Variants in PIK3CD observed in about 807,000 individuals in gnomAD.
The protein encoded by PIK3CD is phosphatidylinositol-4,5-bisphosphate 3-kinase catalytic subunit delta.
In PIK3CD, 20 loss-of-function variants were observed where a neutral mutation model predicts 122.9. That is an observed-to-expected ratio of 0.16 (90% CI 0.11 to 0.24). The LOEUF (loss-of-function observed/expected upper bound fraction) is 0.24. Among genes scored for constraint, PIK3CD ranks in the 10% least tolerant of loss-of-function variants. The pLI, the probability that PIK3CD is intolerant of heterozygous loss-of-function variation, is 1.00. For missense variants in PIK3CD, 787 were observed against 1,406.3 expected (o/e 0.56, Z 7.04); for synonymous variants, 596 against 593.4 (o/e 1.00, Z -0.06).
At position 9,720,122 on chromosome 1, in the gene PIK3CD, C is replaced by T. The variant is rs149764166; in HGVS notation, c.1350C>T (p.Gly450=). Reference sequence around the variant, plus strand: ...TGCCCCTGTGTTCAGATGAGAAGGGCGAGCTGCTGAACCCCACGGGCACTG... The same window carrying T: ...TGCCCCTGTGTTCAGATGAGAAGGGTGAGCTGCTGAACCCCACGGGCACTG... The part of the protein sequence containing the change: ...YMWPSVPDEK[G]ELLNPTGTVR... Residue 450 remains glycine (G), a synonymous_variant, in exon 11 of 24, where the codon GGC becomes GGT. Coordinates refer to ENST00000377346, the MANE Select transcript of PIK3CD (RefSeq NM_005026.5). The surrounding 1 kb of genome is among the most constrained non-coding windows in gnomAD (Gnocchi z 9.0). 74 of 1,613,244 alleles carry T rather than the reference C, an allele frequency of 4.6e-5. No individual in the cohort carries two copies. In the African/African-American group the frequency reaches 6.0e-4, roughly 13 times the overall value.
At chr1:9,640,180 A>G in the PIK3CD span, among the ~76,000 whole-genome samples, 1 of 151,420 alleles carries the variant, frequency 6.6e-6, no homozygotes, top group African/African-American at 2.4e-5. Context: ...TCTTTCTGGA[A>G]CTTTAAGATG....
At chr1:9,665,128 C>A (rs775891838) in intron 1 of PIK3CD, among the ~76,000 whole-genome samples, 1 of 145,746 alleles carries the variant, frequency 6.9e-6, no homozygotes, top group Non-Finnish European at 1.5e-5. Context: ...TGCCTGAGCC[C>A]TGGAGGTCAA....
chr1:9,722,333 G>C lies in PIK3CD; in HGVS notation c.2324G>C (p.Gly775Ala). 6.2e-7 allele frequency: 1 copy of C among 1,612,700 alleles called. No individual in the cohort carries two copies. The highest frequency in any genetic ancestry group is 8.5e-7 in the Non-Finnish European group (1 of 1,179,554). ...GAGGCAGGCAGCGGCGGCAGCGTGGGCATCATCTTTAAGAACGGGGATGGT... is the reference window on the plus strand; with the variant it reads ...GAGGCAGGCAGCGGCGGCAGCGTGGCCATCATCTTTAAGAACGGGGATGGT... ...NEEAGSGGSV[G>A]IIFKNGDDLR... Residue 775 changes from glycine (G) to alanine (A), a missense_variant, in exon 18 of 24, where the codon GGC (glycine) becomes GCC (alanine). Coordinates refer to ENST00000377346, the MANE Select transcript of PIK3CD (RefSeq NM_005026.5). This position sits in a 1 kb window ranked among gnomAD's most constrained non-coding sequence, Gnocchi z 7.6.
the PIK3CD span, among the ~76,000 whole-genome samples, chr1:9,643,581 G>A: frequency 1.3e-5 from 2 of 152,132 alleles, no homozygotes; most frequent in South Asian, 2.1e-4. Flanking sequence ...CAAAGATGCC[G>A]TTCTAGAATA....
Position 9,704,262 on chromosome 1 carries a change from T to G in PIK3CD, c.-32-6162T>G, listed in dbSNP as rs1472655795. Among the ~76,000 whole-genome samples the G allele has an allele frequency of 1.3e-5, 2 of 152,118 alleles. No homozygotes were observed. Among genetic ancestry groups the G allele is most frequent in the Admixed American group, 6.6e-5 (1 of 15,262 alleles). ...TTCCCTACATCCCATTTAGGTAAGG[T>G]GTAGTTGAAGACTTCATTTCCAGAG... On this transcript the variant is annotated intron_variant, in intron 2 of 23. Coordinates refer to ENST00000377346, the MANE Select transcript of PIK3CD (RefSeq NM_005026.5). This position sits in a 1 kb window ranked among gnomAD's most constrained non-coding sequence, Gnocchi z 5.0.
chr1:9,668,203 G>A (rs1479265152), intron 1 of PIK3CD, among the ~76,000 whole-genome samples: 1 of 152,048 alleles, frequency 6.6e-6, no homozygotes, highest in Non-Finnish European at 1.5e-5. Flanking sequence ...TAATGCAGTA[G>A]TTAAACCCAT....
In PIK3CD at chr1:9,704,647, G is replaced by T. The variant is rs1424554563; in HGVS notation, c.-32-5777G>T. ...CCAGCCTCAGCCTCCCAAGTAGCCG[G>T]GACTACAGGCGTGAGCCACCATGAC... On this transcript the variant is annotated intron_variant, in intron 2 of 23. Transcript: ENST00000377346. The surrounding 1 kb of genome is among the most constrained non-coding windows in gnomAD (Gnocchi z 5.0). 2.0e-5 allele frequency among the ~76,000 whole-genome samples: 3 copies of T among 152,136 alleles called. No individual in the cohort carries two copies.
the PIK3CD span, among the ~76,000 whole-genome samples, chr1:9,645,025 C>CTTTTCT: frequency 1.7e-4 from 14 of 81,796 alleles, no homozygotes; most frequent in African/African-American, 7.2e-4. Flanking sequence ...CTTTTCTTTT[C>CTTTTCT]TTTTTTTTTT....
chr1:9,719,841 T>C lies in PIK3CD; in HGVS notation c.1243-80T>C. On this transcript the variant is annotated intron_variant, in intron 9 of 23. Coordinates refer to ENST00000377346, the MANE Select transcript of PIK3CD (RefSeq NM_005026.5). The surrounding 1 kb of genome is among the most constrained non-coding windows in gnomAD (Gnocchi z 5.5). Reference sequence around the variant, plus strand: ...TAGCTGGGCTCTGGGTCTTCTCGGGTGGGGTGCCTGGGGGAGGGCAGGGAA... The same window carrying C: ...TAGCTGGGCTCTGGGTCTTCTCGGGCGGGGTGCCTGGGGGAGGGCAGGGAA... 9.0e-7 allele frequency: 1 copy of C among 1,114,908 alleles called. No individual in the cohort carries two copies. The highest frequency in any genetic ancestry group is 1.4e-6 in the Non-Finnish European group (1 of 725,866). The allele number at this position is 1,114,908 out of a possible 1,614,324, so 69.1% of individuals were successfully genotyped here. A position where few individuals can be genotyped will look rare whatever the true frequency, so the allele number is the denominator to read the frequency against.
intron 1 of PIK3CD, among the ~76,000 whole-genome samples, chr1:9,679,488 A>G (rs935313784): frequency 4.0e-5 from 6 of 151,880 alleles, no homozygotes; most frequent in East Asian, 1.9e-4. Context: ...CCTTTGGCCA[A>G]GTAGGCTGAG....
the PIK3CD span, among the ~76,000 whole-genome samples, chr1:9,640,467 C>T: frequency 6.9e-6 from 1 of 144,228 alleles, no homozygotes; most frequent in Non-Finnish European, 1.5e-5. Context: ...GTAATCCCAG[C>T]TACTTGGGAG....
chr1:9,720,475 AGAG>A lies in PIK3CD; in HGVS notation c.1471-135_1471-133del, dbSNP rs1648363356. 2.0e-6 allele frequency: 3 copies of A among 1,489,036 alleles called. No individual in the cohort carries two copies. In the South Asian group the frequency reaches 3.9e-5, roughly 19 times the overall value. 92.2% of individuals were successfully genotyped at this position (1,489,036 alleles called of 1,614,324 possible). ...TCTTGGCATCTCGTGAGTGGAGGCC[AGAG>A]CTGCTGTGGATGCGCCTCCATGCAG... On this transcript the variant is annotated intron_variant, in intron 11 of 23. Coordinates refer to ENST00000377346, the MANE Select transcript of PIK3CD (RefSeq NM_005026.5). The surrounding 1 kb of genome is among the most constrained non-coding windows in gnomAD (Gnocchi z 9.0).
At chr1:9,690,969 GA>G (rs1646176279) in intron 1 of PIK3CD, among the ~76,000 whole-genome samples, 1 of 152,072 alleles carries the variant, frequency 6.6e-6, no homozygotes, top group African/African-American at 2.4e-5. Context: ...CAGATGCAAG[GA>G]GTGGGCGGCC....
In PIK3CD at chr1:9,710,977, G is replaced by A. The variant is rs1647030039; in HGVS notation, c.141+381G>A. Among the ~76,000 whole-genome samples the A allele has an allele frequency of 1.3e-5, 2 of 152,048 alleles. No individual in the cohort carries two copies. ...ATTTTGTATTTTTAGTAGAGACGGG[G>A]TTTCTCCATGTTGGTCAGGCTGGTC... On this transcript the variant is annotated intron_variant, in intron 3 of 23. Coordinates refer to ENST00000377346, the MANE Select transcript of PIK3CD (RefSeq NM_005026.5). The surrounding 1 kb of genome is among the most constrained non-coding windows in gnomAD (Gnocchi z 4.7).
At chr1:9,716,232 G>A (rs1647409160) in intron 5 of PIK3CD, 154 bp downstream of exon 5, 3 of 829,872 alleles carry the variant, frequency 3.6e-6, no homozygotes, top group Non-Finnish European at 4.0e-6. Context: ...TCAACTGAAC[G>A]TCCCCCCAGG....
rs750156749 is a variant in PIK3CD, at chr1:9,728,549, C to CTGAT, written c.*1505_*1508dup. ...CAGCGGCTCAGGTGCCAGCTCTGTT[C>CTGAT]TGATTCACCAGGGGTCCGTCAGTAG... On this transcript the variant is annotated 3_prime_UTR_variant, in exon 24 of 24. Transcript: ENST00000377346. The CTGAT allele has an allele frequency of 6.6e-6, 1 of 152,300 alleles. No homozygotes were observed. The allele number at this position is 152,300 out of a possible 1,614,324, so 9.4% of individuals were successfully genotyped here.
chr1:9,698,956 T>C (rs1200004343), intron 2 of PIK3CD, among the ~76,000 whole-genome samples: 2 of 152,050 alleles, frequency 1.3e-5, no homozygotes, highest in Non-Finnish European at 2.9e-5. Context: ...CAGAGGCCGA[T>C]GCAGGAGGAT....
chr1:9,716,795 C>T (rs1647542202), intron 6 of PIK3CD, among the ~76,000 whole-genome samples, 164 bp from the exon 7 acceptor site: 1 of 152,184 alleles, frequency 6.6e-6, no homozygotes, highest in Non-Finnish European at 1.5e-5. Context: ...AGGAGGGGCT[C>T]CGTCTTGGGA....
intron 1 of PIK3CD, chr1:9,654,172 C>G (rs1035784018): frequency 7.4e-7 from 1 of 1,346,522 alleles, no homozygotes; most frequent in Non-Finnish European, 9.9e-7. Flanking sequence ...TGTTCAGAAA[C>G]AGACTACATT....
Sources: gnomAD v4.1 joint callset for allele counts (sites outside exome capture counted in the v4.1 genomes callset) on GRCh38, gnomAD v4.1.1 for gene constraint, Gnocchi (gnomAD v3.1) non-coding constraint, MANE v1.5 for transcripts, NCBI Gene and HGNC (gene_info 2026-07-23, HGNC 2026-07-21) for gene names.